CELF2: variants seen among roughly 807,000 people sequenced by gnomAD.
The protein encoded by CELF2 is CUGBP Elav-like family member 2.
A neutral mutation model predicts 62.6 loss-of-function variants in CELF2; 8 were observed. That is an observed-to-expected ratio of 0.13 (90% CI 0.07 to 0.23). The LOEUF is 0.23. Among genes scored for constraint, CELF2 ranks in the 10% least tolerant of loss-of-function variants. CELF2 has a pLI of 1.00. For missense variants in CELF2, 333 were observed against 671.0 expected (o/e 0.50, Z 5.56); for synonymous variants, 258 against 250.0 (o/e 1.03, Z -0.30).
the CELF2 span, among the ~76,000 whole-genome samples, chr10:10,523,986 T>C: frequency 0.8 from 120,933 of 152,110 alleles, 48,785 homozygotes; most frequent in Non-Finnish European, 0.87. Flanking sequence ...CAAATTTATA[T>C]AGATAAACTG....
chr10:10,694,911 C>T, the CELF2 span, among the ~76,000 whole-genome samples: 1 of 150,750 alleles, frequency 6.6e-6, no homozygotes, highest in Admixed American at 6.6e-5. Context: ...TGTGTCTCTG[C>T]ACATGAGATG....
At chr10:10,715,971 G>C in the CELF2 span, among the ~76,000 whole-genome samples, 1 of 152,150 alleles carries the variant, frequency 6.6e-6, no homozygotes, top group African/African-American at 2.4e-5. Context: ...AGTTGATATA[G>C]TCCCAATACA....
intron 1 of CELF2, among the ~76,000 whole-genome samples, chr10:11,116,886 G>A (rs1472217085): frequency 6.6e-6 from 1 of 152,110 alleles, no homozygotes; most frequent in Non-Finnish European, 1.5e-5. Flanking sequence ...CTAAACTATG[G>A]TAGATACTAT....
chr10:10,694,865 G>A, the CELF2 span, among the ~76,000 whole-genome samples: 1 of 150,992 alleles, frequency 6.6e-6, no homozygotes, highest in Non-Finnish European at 1.5e-5. Context: ...CATTTGCTTG[G>A]TAGATCTTCC....
At chr10:10,921,239 AC>A (rs1345689238) in intron 2 of CELF2, among the ~76,000 whole-genome samples, 1 of 145,002 alleles carries the variant, frequency 6.9e-6, no homozygotes, top group African/African-American at 2.6e-5. Context: ...ACAGGCATGA[AC>A]CACTGTGCCC....
At chr10:10,792,077 AAAG>A in the CELF2 span, among the ~76,000 whole-genome samples, 2 of 120,612 alleles carry the variant, frequency 1.7e-5, no homozygotes, top group Admixed American at 8.0e-5. Flanking sequence ...AGGAAGGAGG[AAAG>A]GGAGGGAGGG....
the CELF2 span, among the ~76,000 whole-genome samples, chr10:10,587,216 C>T: frequency 2.0e-5 from 3 of 152,170 alleles, no homozygotes; most frequent in Non-Finnish European, 4.4e-5. Flanking sequence ...GGGCAGAGTC[C>T]ACATATTGTG....
chr10:10,622,313 A>G, the CELF2 span, among the ~76,000 whole-genome samples: 3 of 152,176 alleles, frequency 2.0e-5, no homozygotes, highest in African/African-American at 7.2e-5. Flanking sequence ...GATTCTTATA[A>G]GATGCCAAGG....
rs2052418305 is a variant in CELF2 at position 10,983,779 on chromosome 10, G to A, written c.89+63780G>A. 6.6e-6 allele frequency among the ~76,000 whole-genome samples: 1 copy of A among 152,076 alleles called. No homozygotes were observed. The highest frequency in any genetic ancestry group is 2.4e-5 in the African/African-American group (1 of 41,410). ...AACAGGATTTCACCATGTTGGCCAG[G>A]CTGGTCTTGAACTCCTCACAGGTGA... On this transcript the variant is annotated intron_variant, in intron 2 of 13. Coordinates refer to the CELF2 transcript ENST00000636488. The surrounding 1 kb of genome is among the most constrained non-coding windows in gnomAD (Gnocchi z 5.2).
the CELF2 span, among the ~76,000 whole-genome samples, chr10:10,747,382 G>C: frequency 6.6e-6 from 1 of 152,316 alleles, no homozygotes; most frequent in Non-Finnish European, 1.5e-5. Context: ...TAGTGAAAGA[G>C]ACAAATAATA....
At chr10:11,070,293 G>A (rs931665574) in intron 1 of CELF2, among the ~76,000 whole-genome samples, 13 of 152,142 alleles carry the variant, frequency 8.5e-5, no homozygotes, top group African/African-American at 2.9e-4. Flanking sequence ...GGCTCAGGTG[G>A]TGGGAATGCA....
chr10:10,978,027 TTTTTTTG>T (rs2051559687), intron 2 of CELF2, among the ~76,000 whole-genome samples: 1 of 149,710 alleles, frequency 6.7e-6, no homozygotes, highest in Non-Finnish European at 1.5e-5. Flanking sequence ...GGTTTGGGTT[TTTTTTTG>T]TTTTTTGTTT....
chr10:10,499,526 G>A, the CELF2 span, among the ~76,000 whole-genome samples: 1 of 152,294 alleles, frequency 6.6e-6, no homozygotes, highest in East Asian at 1.9e-4. Context: ...TGGGGCAGAG[G>A]AGGGAAAGAA....
At chr10:11,129,020 T>G (rs2059191507) in intron 1 of CELF2, among the ~76,000 whole-genome samples, 1 of 152,240 alleles carries the variant, frequency 6.6e-6, no homozygotes, top group Non-Finnish European at 1.5e-5. Context: ...GGGTTTGTCA[T>G]AAATAGCTCT....
chr10:10,740,763 G>C, the CELF2 span, among the ~76,000 whole-genome samples: 2 of 152,214 alleles, frequency 1.3e-5, no homozygotes, highest in Admixed American at 6.5e-5. Context: ...TTTAAAAAGA[G>C]ATACTGCCAT....
At chr10:10,899,333 G>A (rs1254996502) in intron 1 of CELF2, among the ~76,000 whole-genome samples, 1 of 152,102 alleles carries the variant, frequency 6.6e-6, no homozygotes, top group Admixed American at 6.6e-5. Flanking sequence ...TTATGGGGTG[G>A]GTGGGGAAAA....
the CELF2 span, among the ~76,000 whole-genome samples, chr10:10,649,970 A>G: frequency 6.6e-6 from 1 of 151,954 alleles, no homozygotes; most frequent in Non-Finnish European, 1.5e-5. Flanking sequence ...GAGACAACAC[A>G]GCCAGGATAT....
At chr10:10,707,109 TTCAATGTA>T in the CELF2 span, among the ~76,000 whole-genome samples, 6 of 152,208 alleles carry the variant, frequency 3.9e-5, no homozygotes, top group Admixed American at 3.9e-4. Context: ...CTGGTTTTCC[TTCAATGTA>T]TCAATCTGGC....
chr10:11,186,296 C>CTTTT (rs57327671), intron 2 of CELF2, among the ~76,000 whole-genome samples: 13 of 115,504 alleles, frequency 1.1e-4, no homozygotes, highest in Admixed American at 2.6e-4. Flanking sequence ...GGTTTTGTTG[C>CTTTT]TTTTTTTTTT....
Sources: allele counts gnomAD v4.1 joint callset (sites outside exome capture counted in the v4.1 genomes callset), GRCh38; gene constraint gnomAD v4.1.1; non-coding constraint Gnocchi (gnomAD v3.1); transcripts MANE v1.5; gene names NCBI Gene and HGNC (gene_info 2026-07-23, HGNC 2026-07-21).